ELK3: variants seen among roughly 807,000 people sequenced by gnomAD.
ELK3 encodes the protein ETS transcription factor ELK3.
Under a neutral mutation model 28.9 loss-of-function variants are expected in ELK3, and 10 were observed. The ratio of observed to expected loss-of-function variants is 0.35; its 90% CI spans 0.21 to 0.59. The LOEUF (loss-of-function observed/expected upper bound fraction) is 0.59, where lower values mean the gene tolerates loss of function less well. Among genes scored for constraint, ELK3 ranks in the 20% least tolerant of loss-of-function variants. ELK3 has a pLI of 0.82. For missense variants in ELK3, 463 were observed against 517.3 expected (o/e 0.90, Z 1.02); for synonymous variants, 272 against 243.5 (o/e 1.12, Z -1.09).
At chr12:96,220,424 G>A (rs1951654325) in intron 1 of ELK3, among the ~76,000 whole-genome samples, 1 of 112,110 alleles carries the variant, frequency 8.9e-6, no homozygotes, top group Non-Finnish European at 1.7e-5. Flanking sequence ...TTTCGCTCTT[G>A]TTGTCCAGGC....
At chr12:96,203,536 C>A (rs1951519861) in intron 1 of ELK3, among the ~76,000 whole-genome samples, 1 of 152,198 alleles carries the variant, frequency 6.6e-6, no homozygotes, top group Non-Finnish European at 1.5e-5. Context: ...GTCAATATAG[C>A]CCCACCTTGT....
At chr12:96,250,572 C>T (rs1951897020) in intron 3 of ELK3, among the ~76,000 whole-genome samples, 1 of 152,222 alleles carries the variant, frequency 6.6e-6, no homozygotes, top group Admixed American at 6.5e-5. Flanking sequence ...CAGCGTGGCT[C>T]TCAACAGCCA....
chr12:96,242,344 A>G (rs1187468446), intron 2 of ELK3, among the ~76,000 whole-genome samples: 2 of 152,216 alleles, frequency 1.3e-5, no homozygotes, highest in Admixed American at 1.3e-4. Context: ...TCCGAGCCTC[A>G]GCTTGCTTAT....
intron 4 of ELK3, 35 bp downstream of exon 4, chr12:96,259,888 C>T (rs780861839): frequency 1.9e-6 from 3 of 1,549,768 alleles, no homozygotes; most frequent in Admixed American, 3.7e-5. Context: ...GAACATTAAG[C>T]TTCTGAGGGA....
intron 1 of ELK3, among the ~76,000 whole-genome samples, chr12:96,222,399 G>GTATA (rs1374322189): frequency 1.3e-5 from 2 of 152,102 alleles, no homozygotes; most frequent in East Asian, 3.9e-4. Flanking sequence ...GGATAACATT[G>GTATA]TATATATAGG....
At position 96,268,412 on chromosome 12, in the gene ELK3, C is replaced by A. The variant is rs1565796154; in HGVS notation, c.*1232C>A. On this transcript the variant is annotated 3_prime_UTR_variant, in exon 5 of 5. Transcript: ENST00000228741. ...GGAACCTCATCATCGTGGAACTGAA[C>A]TGATGATAACTTGGAACACTCCAGT... is the stretch of plus-strand genomic sequence containing the variant. 6.6e-6 allele frequency: 1 copy of A among 152,156 alleles called. No individual in the cohort carries two copies. Among genetic ancestry groups the A allele is most frequent in the African/African-American group, 2.4e-5 (1 of 41,434 alleles). 9.4% of individuals were successfully genotyped at this position (152,156 alleles called of 1,614,324 possible). A position where few individuals can be genotyped will look rare whatever the true frequency, so the allele number is the denominator to read the frequency against.
At chr12:96,249,198 C>G (rs964678745) in intron 3 of ELK3, among the ~76,000 whole-genome samples, 8 of 152,210 alleles carry the variant, frequency 5.3e-5, no homozygotes, top group African/African-American at 1.9e-4. Flanking sequence ...TGTCTGCCTC[C>G]AGAATCCATG....
intron 1 of ELK3, among the ~76,000 whole-genome samples, chr12:96,217,808 C>T (rs569065732): frequency 1.3e-4 from 20 of 151,666 alleles, no homozygotes; most frequent in East Asian, 1.2e-3. Context: ...CGTGGTGGTG[C>T]GCACCTGTGG....
intron 1 of ELK3, among the ~76,000 whole-genome samples, chr12:96,220,376 T>C (rs1168348524): frequency 2.1e-5 from 3 of 143,812 alleles, no homozygotes; most frequent in East Asian, 2.1e-4. Flanking sequence ...AGCATACTTT[T>C]TCGTGATTTT....
intron 2 of ELK3, among the ~76,000 whole-genome samples, chr12:96,230,916 C>T (rs1020034078): frequency 1.3e-5 from 2 of 152,156 alleles, no homozygotes; most frequent in African/African-American, 4.8e-5. Context: ...GCGGGGCAAA[C>T]CCAATTATAA....
chr12:96,261,411 T>C (rs1053005935), intron 4 of ELK3, among the ~76,000 whole-genome samples: 1 of 152,204 alleles, frequency 6.6e-6, no homozygotes, highest in Admixed American at 6.5e-5. Flanking sequence ...GCAAATGTTG[T>C]ATTAGGAAAG....
chr12:96,223,197 G>A (rs768404277), intron 1 of ELK3, among the ~76,000 whole-genome samples: 32 of 152,196 alleles, frequency 2.1e-4, no homozygotes, highest in Non-Finnish European at 2.8e-4. Flanking sequence ...GATGGGATGG[G>A]CGGGAATAGA....
At position 96,267,225 on chromosome 12, in the gene ELK3, T is replaced by G. The variant is rs758779228; in HGVS notation, c.*45T>G. ...AGGACTCATTAACTGATGAAACAAA[T>G]TTGTCCCCACGGGCTAGTTTACCTG... is the stretch of plus-strand genomic sequence containing the variant. On this transcript the variant is annotated 3_prime_UTR_variant, in exon 5 of 5. Coordinates refer to ENST00000228741, the MANE Select transcript of ELK3 (RefSeq NM_005230.4). 1.9e-6 allele frequency: 3 copies of G among 1,558,994 alleles called. No homozygotes were observed. In the South Asian group the frequency reaches 3.5e-5, roughly 18 times the overall value.
At chr12:96,210,192 A>G (rs191857783) in intron 1 of ELK3, among the ~76,000 whole-genome samples, 30 of 152,276 alleles carry the variant, frequency 2.0e-4, no homozygotes, top group Admixed American at 8.5e-4. Context: ...TAAAGCTCAA[A>G]CTGAAAGACA....
intron 2 of ELK3, among the ~76,000 whole-genome samples, chr12:96,227,779 C>T (rs1951714288): frequency 6.6e-6 from 1 of 152,200 alleles, no homozygotes; most frequent in African/African-American, 2.4e-5. Context: ...TTGAATCCAG[C>T]TCCATGACTG....
At chr12:96,241,500 T>C (rs780465430) in intron 2 of ELK3, among the ~76,000 whole-genome samples, 2 of 152,054 alleles carry the variant, frequency 1.3e-5, no homozygotes, top group African/African-American at 4.8e-5. Flanking sequence ...CCTTTTCTTA[T>C]AGGTAGGTAT....
At chr12:96,242,219 G>A (rs1482530332) in intron 2 of ELK3, among the ~76,000 whole-genome samples, 1 of 152,204 alleles carries the variant, frequency 6.6e-6, no homozygotes, top group Non-Finnish European at 1.5e-5. Flanking sequence ...GGCTGCCTAA[G>A]TTGGCCTGAA....
intron 2 of ELK3, among the ~76,000 whole-genome samples, chr12:96,240,012 A>T (rs1951809661): frequency 6.6e-6 from 1 of 152,192 alleles, no homozygotes; most frequent in South Asian, 2.1e-4. Context: ...GAACCTCCCC[A>T]CAACCCCCAA....
chr12:96,212,973 G>T (rs1266703491), intron 1 of ELK3: 3 of 152,218 alleles, frequency 2.0e-5, no homozygotes, highest in Non-Finnish European at 2.9e-5. Flanking sequence ...GAGAGCCAAA[G>T]AAATTGTGAT....
Sources: gnomAD v4.1 joint callset for allele counts (sites outside exome capture counted in the v4.1 genomes callset) on GRCh38, gnomAD v4.1.1 for gene constraint, MANE v1.5 for transcripts, NCBI Gene and HGNC (gene_info 2026-07-23, HGNC 2026-07-21) for gene names.